MAP4K2: variants seen among roughly 807,000 people sequenced by gnomAD.
The protein encoded by MAP4K2 is mitogen-activated protein kinase kinase kinase kinase 2, also known as B lymphocyte serine/threonine protein kinase.
Under a neutral mutation model 125.3 loss-of-function variants are expected in MAP4K2, and 85 were observed. The ratio of observed to expected loss-of-function variants is 0.68; its 90% CI spans 0.57 to 0.81. The LOEUF is 0.81. Among genes scored for constraint, MAP4K2 ranks in the 40% least tolerant of loss-of-function variants. MAP4K2 has a pLI of 0.00. For synonymous variants in MAP4K2, 479 were observed against 445.1 expected, an observed-to-expected ratio of 1.08 and a Z score of -0.96; for missense variants, 923 against 1,056.4, an observed-to-expected ratio of 0.87 and a Z score of 1.75.
rs1940304632 is a variant in MAP4K2 at position 64,788,665 on chromosome 11, G to A, written c.*872C>T. Reference sequence around the variant, plus strand: ...TCCCATCCAATCTGATGATCGTGCTGTCATCTGATGTTCCTGGTCTAACAC... The same window carrying A: ...TCCCATCCAATCTGATGATCGTGCTATCATCTGATGTTCCTGGTCTAACAC... On this transcript the variant is annotated 3_prime_UTR_variant, in exon 32 of 32. Transcript: ENST00000294066. 1 of 152,212 alleles carries A rather than the reference G, an allele frequency of 6.6e-6. No homozygotes were observed. Among genetic ancestry groups the A allele is most frequent in the African/African-American group, 2.4e-5 (1 of 41,422 alleles). The allele number at this position is 152,212 out of a possible 1,614,324, so 9.4% of individuals were successfully genotyped here.
intron 14 of MAP4K2, 132 bp from the exon 15 acceptor site, chr11:64,798,969 G>A (rs541803945): frequency 1.3e-6 from 1 of 766,694 alleles, no homozygotes. Flanking sequence ...ACACACAGAA[G>A]ATGAGAGAGA....
rs1333329832 is a variant in MAP4K2 at position 64,789,338 on chromosome 11, C to T, written c.*199G>A. 1.7e-6 allele frequency: 1 copy of T among 587,316 alleles called. No homozygotes were observed. Among genetic ancestry groups the T allele is most frequent in the African/African-American group, 1.9e-5 (1 of 53,452 alleles). The allele number at this position is 587,316 out of a possible 1,614,324, so 36.4% of individuals were successfully genotyped here. On this transcript the variant is annotated 3_prime_UTR_variant, in exon 32 of 32. Transcript: ENST00000294066. ...GATGGGGGAGTGACAGCAGCTCCCC[C>T]TGGTCCAGTTATTGCAGAGGCGTCG...
rs1391309972 is a variant in MAP4K2 at position 64,797,510 on chromosome 11, T to C, written c.1161A>G (p.Ser387=). 3 of 1,566,794 alleles carry C rather than the reference T, an allele frequency of 1.9e-6. No homozygotes were observed. Among genetic ancestry groups the C allele is most frequent in the Non-Finnish European group, 8.7e-7 (1 of 1,155,208 alleles). Residue 387 remains serine (S), a synonymous_variant, in exon 17 of 32, where the codon TCA becomes TCG. Coordinates refer to ENST00000294066, the MANE Select transcript of MAP4K2 (RefSeq NM_004579.5). The stretch of plus-strand genomic sequence containing the variant: ...TCCCTCTGTGTGGCACCTGGAATTC[T>C]GAGGCTGACCGAATAGTCAGACTCC... ...EERSLTIRSA[S]EFQELDSPDD...
rs761781823 is a variant in MAP4K2, at chr11:64,800,799, G to A, written c.690C>T (p.Ser230=). Residue 230 remains serine (S), a synonymous_variant, in exon 10 of 32, where the codon AGC becomes AGT. Transcript: ENST00000294066. ...TATCTCTCAGTTTGGGCGGCTGGAAGCTGCTCTTCGACATGAGCATCAGGG... is the reference window on the plus strand; with the variant it reads ...TATCTCTCAGTTTGGGCGGCTGGAAACTGCTCTTCGACATGAGCATCAGGG... ...MRALMLMSKS[S]FQPPKLRDKT... is the part of the protein sequence containing the mutation. 4 of 1,611,012 alleles carry A rather than the reference G, an allele frequency of 2.5e-6. No homozygotes were observed. Among genetic ancestry groups the A allele is most frequent in the African/African-American group, 2.7e-5 (2 of 75,008 alleles).
intron 2 of MAP4K2, 67 bp downstream of exon 2, chr11:64,802,818 G>A (rs1941304717): frequency 3.9e-6 from 6 of 1,536,420 alleles, no homozygotes; most frequent in South Asian, 3.5e-5. Context: ...TCAACCCTCC[G>A]CCCGCACCCC....
rs1422716606 is a variant in MAP4K2, at chr11:64,802,925, C to T, written c.114G>A (p.Thr38=). Reference sequence around the variant, plus strand: ...CTATCTTCACGGCGGCCAGTTCGGACGTGACCGTGTCGCGGGCCTGCAGGG... The same window carrying T: ...CTATCTTCACGGCGGCCAGTTCGGATGTGACCGTGTCGCGGGCCTGCAGGG... ...GDVYKARDTV[T]SELAAVKIVK... Residue 38 remains threonine, a synonymous_variant, in exon 2 of 32, where the codon ACG becomes ACA. Transcript: ENST00000294066. 1 of 1,592,622 alleles carries T rather than the reference C, an allele frequency of 6.3e-7. No homozygotes were observed. Among genetic ancestry groups the T allele is most frequent in the Non-Finnish European group, 8.5e-7 (1 of 1,170,250 alleles).
Position 64,792,044 on chromosome 11 carries a change from G to A in MAP4K2, c.1957C>T (p.Pro653Ser), listed in dbSNP as rs373936475. 32 of 1,595,848 alleles carry A rather than the reference G, an allele frequency of 2.0e-5. No homozygotes were observed. In the African/African-American group the frequency reaches 2.7e-4, roughly 13 times the overall value. ...AGCTCCTTCCCATCCAGCACCAGCG[G>A]CTCCAGCATCCCAGCTGGGCTGGGC... ...PLPSPAGMLE[P>S]LVLDGKELPQ... Residue 653 changes from proline to serine, a missense_variant, in exon 27 of 32, where the codon CCG becomes TCG. Pro to Ser is a moderately conservative substitution (Grantham distance 74). Transcript: ENST00000294066.
chr11:64,789,966 G>C lies in MAP4K2; in HGVS notation c.2249-7C>G, dbSNP rs373345505. On this transcript the variant is annotated splice_region_variant and splice_polypyrimidine_tract_variant and intron_variant, in intron 29 of 31. Transcript: ENST00000294066. ...ACACTGTCCTGCAGGCACACTATGG[G>C]GGCCAGGCCACCATCAGCCCTGCAC... 3 of 1,612,874 alleles carry C rather than the reference G, an allele frequency of 1.9e-6. No individual in the cohort carries two copies. Among genetic ancestry groups the C allele is most frequent in the Non-Finnish European group, 1.7e-6 (2 of 1,179,802 alleles).
At position 64,786,974 on chromosome 11, in the gene MAP4K2, G is replaced by C. The variant is rs1940216960; in HGVS notation, c.*2563C>G. Reference sequence around the variant, plus strand: ...TCCAGGATATATACATATCTTTTCAGGGTGCATGTGATAATTTAATACATT... The same window carrying C: ...TCCAGGATATATACATATCTTTTCACGGTGCATGTGATAATTTAATACATT... On this transcript the variant is annotated 3_prime_UTR_variant, in exon 32 of 32. Transcript: ENST00000294066. 6.6e-6 allele frequency: 1 copy of C among 151,220 alleles called. No homozygotes were observed. Among genetic ancestry groups the C allele is most frequent in the Non-Finnish European group, 1.5e-5 (1 of 67,902 alleles). The allele number at this position is 151,220 out of a possible 1,614,324, so 9.4% of individuals were successfully genotyped here.
chr11:64,800,387 T>C lies in MAP4K2; in HGVS notation c.731A>G (p.Gln244Arg), dbSNP rs757074978. 3.3e-5 allele frequency: 53 copies of C among 1,613,954 alleles called. No homozygotes were observed. Among genetic ancestry groups the C allele is most frequent in the Non-Finnish European group, 4.3e-5 (51 of 1,180,010 alleles). Residue 244 changes from glutamine (Q) to arginine (R), a missense_variant, in exon 11 of 32, where the codon CAG becomes CGG. Gln to Arg is a conservative substitution (Grantham distance 43). Around this residue, in one of 2 missense-constraint regions of MAP4K2, gnomAD observed 833 missense variants for 911.4 expected, o/e 0.91. Coordinates refer to ENST00000294066, the MANE Select transcript of MAP4K2 (RefSeq NM_004579.5). ...CAGTTTGAGAAAGTGGTGGAAATTC[T>C]GGGTCCTAGAAGGCACAAGAGCCCC... is the stretch of plus-strand genomic sequence containing the variant. ...PKLRDKTRWTQNFHHFLKLAL... is the reference protein window; with the variant it reads ...PKLRDKTRWTRNFHHFLKLAL...
In MAP4K2 at chr11:64,788,072, C is replaced by T. The variant is rs1337090867; in HGVS notation, c.*1465G>A. The T allele has an allele frequency of 6.6e-6, 1 of 152,312 alleles. No homozygotes were observed. The highest frequency in any genetic ancestry group is 1.5e-5 in the Non-Finnish European group (1 of 68,124). 9.4% of individuals were successfully genotyped at this position (152,312 alleles called of 1,614,324 possible). Reference sequence around the variant, plus strand: ...CCCCATTCCAGCCAAGAAACCCTCCCAGTCACTGGACAGAGTCAGAACAGT... The same window carrying T: ...CCCCATTCCAGCCAAGAAACCCTCCTAGTCACTGGACAGAGTCAGAACAGT... On this transcript the variant is annotated 3_prime_UTR_variant, in exon 32 of 32. Transcript: ENST00000294066.
At position 64,789,639 on chromosome 11, in the gene MAP4K2, A is replaced by G. The variant is rs764807670; in HGVS notation, c.2376-15T>C. On this transcript the variant is annotated splice_polypyrimidine_tract_variant and intron_variant, in intron 31 of 31. Coordinates refer to ENST00000294066, the MANE Select transcript of MAP4K2 (RefSeq NM_004579.5). ...GGATGATGTCTCTGGAGGAGAGAGG[A>G]GTAGGGGGCAGGGCGGGAGACACTT... The G allele has an allele frequency of 3.2e-5, 52 of 1,611,146 alleles. 1 individual carries two copies. Among genetic ancestry groups the G allele is most frequent in the Non-Finnish European group, 4.1e-5 (48 of 1,178,692 alleles).
chr11:64,798,796 A>C lies in MAP4K2; in HGVS notation c.1095T>G (p.Ser365Arg), dbSNP rs1215581251. 2.5e-6 allele frequency: 4 copies of C among 1,611,120 alleles called. No individual in the cohort carries two copies. The highest frequency in any genetic ancestry group is 3.4e-6 in the Non-Finnish European group (4 of 1,178,628). Residue 365 changes from serine to arginine, a missense_variant and splice_region_variant, in exon 15 of 32, where the codon AGT becomes AGG. Transcript: ENST00000294066. Reference protein sequence around the residue: ...EWTLLGKEELSGSLLQSVQEA... With the variant: ...EWTLLGKEELRGSLLQSVQEA... Reference sequence around the variant, plus strand: ...CAGCTTCCCCATACCTCACTTACCCACTCAACTCTTCCTTTCCCAGTAGTG... The same window carrying C: ...CAGCTTCCCCATACCTCACTTACCCCCTCAACTCTTCCTTTCCCAGTAGTG...
intron 14 of MAP4K2, 112 bp downstream of exon 14, chr11:64,799,309 G>A: frequency 7.4e-7 from 1 of 1,347,778 alleles, no homozygotes; most frequent in Non-Finnish European, 1.0e-6. Context: ...TAAGGCCCAA[G>A]GCCCGAGGCC....
intron 14 of MAP4K2, 21 bp downstream of exon 14, chr11:64,799,400 C>T (rs771548487): frequency 6.2e-7 from 1 of 1,611,808 alleles, no homozygotes; most frequent in Admixed American, 1.7e-5. Flanking sequence ...ACCACCTTCC[C>T]CTCAAGGCCT....
At chr11:64,802,756 G>A in intron 2 of MAP4K2, 103 bp from the exon 3 acceptor site, 1 of 1,466,214 alleles carries the variant, frequency 6.8e-7, no homozygotes, top group South Asian at 1.2e-5. Flanking sequence ...GGGCCAGGCA[G>A]GTGCAGGTGA....
At chr11:64,794,031 T>G (rs2136041055) in intron 24 of MAP4K2, among the ~76,000 whole-genome samples, 1 of 152,272 alleles carries the variant, frequency 6.6e-6, no homozygotes, top group East Asian at 1.9e-4. Context: ...CCCTACCCTC[T>G]GCACTCAGTC....
In MAP4K2 at chr11:64,800,935, C is replaced by T. The variant is rs1201967347; in HGVS notation, c.627G>A (p.Glu209=). ...GCAGGTGGAACAGAGGGGGCTGCAGCTCGCCCAGCTCAATGGCAGTGATGC... is the reference window on the plus strand; with the variant it reads ...GCAGGTGGAACAGAGGGGGCTGCAGTTCGCCCAGCTCAATGGCAGTGATGC... The part of the protein sequence containing the change: ...ALGITAIELG[E]LQPPLFHLHP... The change falls in exon 9 of 32, where the codon GAG becomes GAA. Residue 209 remains glutamate (E), a synonymous_variant. Coordinates refer to ENST00000294066, the MANE Select transcript of MAP4K2 (RefSeq NM_004579.5). 1.2e-6 allele frequency: 2 copies of T among 1,613,916 alleles called. No individual in the cohort carries two copies. Among genetic ancestry groups the T allele is most frequent in the African/African-American group, 1.3e-5 (1 of 74,928 alleles).
intron 11 of MAP4K2, 35 bp from the exon 12 acceptor site, chr11:64,800,251 C>T (rs774776807): frequency 1.4e-5 from 23 of 1,611,436 alleles, no homozygotes; most frequent in Non-Finnish European, 1.8e-5. Flanking sequence ...TCAGGTTGGC[C>T]CCTGATCCAG....
Sources: allele counts gnomAD v4.1 joint callset (sites outside exome capture counted in the v4.1 genomes callset), GRCh38; gene constraint gnomAD v4.1.1; regional missense constraint gnomAD v4.1.1; transcripts MANE v1.5; gene names NCBI Gene and HGNC (gene_info 2026-07-23, HGNC 2026-07-21).